CFAP206: variants seen among roughly 807,000 people sequenced by gnomAD.
CFAP206 encodes cilia and flagella associated protein 206, also known as cilia- and flagella-associated protein 206.
CFAP206 carries 53 observed loss-of-function variants against 65.4 expected under a neutral mutation model. That is an observed-to-expected ratio of 0.81 (90% confidence interval 0.65 to 1.02). The LOEUF is 1.02. Ranked by LOEUF, CFAP206 falls within the 50% of genes least tolerant of loss-of-function variation. The pLI is 0.00. For missense variants in CFAP206, 663 were observed against 753.2 expected (o/e 0.88, Z 1.40); for synonymous variants, 250 against 254.4 (o/e 0.98, Z 0.17).
intron 11 of CFAP206, among the ~76,000 whole-genome samples, chr6:87,436,379 C>G (rs529695065): frequency 6.6e-5 from 10 of 152,140 alleles, no homozygotes; most frequent in Non-Finnish European, 1.2e-4. Flanking sequence ...AGCCACCACG[C>G]CCGGACTTGT....
At chr6:87,415,153 G>A (rs34373986) in intron 4 of CFAP206, among the ~76,000 whole-genome samples, 5,535 of 151,962 alleles carry the variant, frequency 0.036, 122 homozygotes, top group Middle Eastern at 0.075. Flanking sequence ...ATGCAACATC[G>A]TATTATCAAT....
intron 5 of CFAP206, 80 bp downstream of exon 5, chr6:87,415,954 T>C: frequency 9.1e-7 from 1 of 1,095,686 alleles, no homozygotes; most frequent in Non-Finnish European, 1.2e-6. Flanking sequence ...AAATTAGAAG[T>C]GTTAAAGATT....
chr6:87,426,488 T>C (rs766892420), intron 7 of CFAP206, 38 bp from the exon 8 acceptor site: 3 of 1,437,624 alleles, frequency 2.1e-6, no homozygotes. Flanking sequence ...TATAGTAGAA[T>C]TATAAAAATA....
chr6:87,433,826 G>C (rs897429964), intron 10 of CFAP206, among the ~76,000 whole-genome samples: 1 of 151,794 alleles, frequency 6.6e-6, no homozygotes, highest in Non-Finnish European at 1.5e-5. Context: ...GGGGCTGGGC[G>C]TGGTGGCTCA....
rs370548592 is a variant in CFAP206 at position 87,431,122 on chromosome 6, C to T, written c.1249C>T (p.Arg417Trp). The change falls in exon 10 of 13, where the codon CGG becomes TGG. Residue 417 changes from arginine (R) to tryptophan (W), a missense_variant. Coordinates refer to ENST00000369562, the MANE Select transcript of CFAP206 (RefSeq NM_001031743.3). Reference protein sequence around the residue: ...ANFDKLLIQYRGFCAYTFAAT... With the variant: ...ANFDKLLIQYWGFCAYTFAAT... ...TTTTGATAAACTGTTAATTCAATAT[C>T]GGGGATTTTGTGCTTACACGTTTGC... 6.8e-5 allele frequency: 109 copies of T among 1,613,724 alleles called. No individual in the cohort carries two copies. Among genetic ancestry groups the T allele is most frequent in the African/African-American group, 1.6e-4 (12 of 74,880 alleles).
At chr6:87,413,669 G>GA (rs921430800) in intron 3 of CFAP206, 141 bp from the exon 4 acceptor site, 6,956 of 505,456 alleles carry the variant, frequency 0.014, 1 homozygote, top group South Asian at 0.018. Context: ...TCCTCAAGGA[G>GA]AAAAAAAAAA....
intron 8 of CFAP206, 105 bp from the exon 9 acceptor site, chr6:87,428,521 G>A (rs1247436353): frequency 9.3e-7 from 1 of 1,071,530 alleles, no homozygotes; most frequent in Non-Finnish European, 1.4e-6. Flanking sequence ...TGCTTAGGGA[G>A]AATTAACTTC....
Position 87,422,053 on chromosome 6 carries a change from CAAAG to C in CFAP206, c.840+3641_840+3644del, listed in dbSNP as rs1394888642. 2.6e-5 allele frequency among the ~76,000 whole-genome samples: 4 copies of C among 152,184 alleles called. No homozygotes were observed. The South Asian group carries it at 6.2e-4, about 24-fold the overall frequency. On this transcript the variant is annotated intron_variant, in intron 7 of 12. Transcript: ENST00000369562. Reference sequence around the variant, plus strand: ...AAAGGTAGGGGGAAGGGGAAGAAGACAAAGAAACATGCTGGGATCACATGCTTTT... The same window carrying C: ...AAAGGTAGGGGGAAGGGGAAGAAGACAAACATGCTGGGATCACATGCTTTT...
At chr6:87,461,589 A>T (rs987768825) in intron 12 of CFAP206, among the ~76,000 whole-genome samples, 1 of 152,120 alleles carries the variant, frequency 6.6e-6, no homozygotes, top group Non-Finnish European at 1.5e-5. Flanking sequence ...ATTACAATAT[A>T]GATACCTACC....
intron 7 of CFAP206, among the ~76,000 whole-genome samples, chr6:87,421,956 T>C (rs1425586135): frequency 6.6e-6 from 1 of 152,222 alleles, no homozygotes; most frequent in African/African-American, 2.4e-5. Flanking sequence ...AATTTCTGCT[T>C]CTATAAGTTT....
chr6:87,418,555 G>T, intron 7 of CFAP206, 139 bp downstream of exon 7: 1 of 664,520 alleles, frequency 1.5e-6, no homozygotes, highest in Non-Finnish European at 2.6e-6. Flanking sequence ...GTAGAGTTAG[G>T]AATCAAAATA....
Position 87,431,026 on chromosome 6 carries a change from A to C in CFAP206, c.1160-7A>C, listed in dbSNP as rs1768146282. 4 of 1,611,308 alleles carry C rather than the reference A, an allele frequency of 2.5e-6. No homozygotes were observed. The highest frequency in any genetic ancestry group is 3.4e-6 in the Non-Finnish European group (4 of 1,179,060). ...ATTAAAGCTTTTCTTCTTCTCCTTC[A>C]TTTTAGAAGATAGAGTAAATGTGGC... is the stretch of plus-strand genomic sequence containing the variant. On this transcript the variant is annotated splice_region_variant and splice_polypyrimidine_tract_variant and intron_variant, in intron 9 of 12. Transcript: ENST00000369562.
chr6:87,413,855 A>G lies in CFAP206; in HGVS notation c.238A>G (p.Thr80Ala). The change falls in exon 4 of 13, where the codon ACT (threonine) becomes GCT (alanine). Residue 80 changes from threonine to alanine, a missense_variant. By Grantham distance (58) the Thr-to-Ala change is moderately conservative. Coordinates refer to ENST00000369562, the MANE Select transcript of CFAP206 (RefSeq NM_001031743.3). ...GGATACTAAAAATCCATCCCTGGAC[A>G]CTATTAAGATGCAAGTCTACTTCGA... Reference protein sequence around the residue: ...LLDTKNPSLDTIKMQVYFDMN... With the variant: ...LLDTKNPSLDAIKMQVYFDMN... The G allele has an allele frequency of 6.4e-7, 1 of 1,562,374 alleles. No homozygotes were observed. Among genetic ancestry groups the G allele is most frequent in the East Asian group, 2.4e-5 (1 of 41,758 alleles).
rs145264289 is a variant in CFAP206 at position 87,455,254 on chromosome 6, A to G, written c.1495-5768A>G. Among the ~76,000 whole-genome samples the G allele has an allele frequency of 5.6e-3, 854 of 152,330 alleles. 12 individuals carry two copies. Among genetic ancestry groups the G allele is most frequent in the African/African-American group, 0.02 (821 of 41,588 alleles). On this transcript the variant is annotated intron_variant, in intron 11 of 12. Transcript: ENST00000369562. ...TTGGAAACCATATAAACACATGGAA[A>G]TTAAACAATACGCTCCTTAATGACC...
chr6:87,413,860 TA>T lies in CFAP206; in HGVS notation c.245del (p.Lys82ArgfsTer8). ...DTKNPSLDTI[K>X]MQVYFDMNYT... is the part of the protein sequence containing the mutation. The stretch of plus-strand genomic sequence containing the variant: ...CTAAAAATCCATCCCTGGACACTAT[TA>T]AGATGCAAGTCTACTTCGATATGAA... On this transcript the variant is annotated frameshift_variant, in exon 4 of 13. Transcript: ENST00000369562. LOFTEE classifies it high-confidence loss of function. The T allele has an allele frequency of 1.3e-6, 2 of 1,559,506 alleles. No homozygotes were observed. The highest frequency in any genetic ancestry group is 8.6e-7 in the Non-Finnish European group (1 of 1,161,066).
intron 7 of CFAP206, among the ~76,000 whole-genome samples, chr6:87,419,650 T>C (rs966500217): frequency 4.6e-5 from 7 of 152,234 alleles, no homozygotes; most frequent in African/African-American, 1.7e-4. Context: ...TCTTGAGGGA[T>C]AGAATAGGAT....
chr6:87,411,276 C>G (rs78489475), intron 3 of CFAP206, among the ~76,000 whole-genome samples: 16,973 of 152,270 alleles, frequency 0.11, 966 homozygotes, highest in African/African-American at 0.12. Flanking sequence ...TTGCATTTCT[C>G]TAATGCTGAG....
At position 87,416,832 on chromosome 6, in the gene CFAP206, G is replaced by T. The variant is rs762895860; in HGVS notation, c.631+5G>T. ...GAGGAGAAGGCATTGATGATTGTAG[G>T]TATATCATTAGATTAATTCTAAAGG... is the stretch of plus-strand genomic sequence containing the variant. On this transcript the variant is annotated splice_donor_5th_base_variant and intron_variant, in intron 6 of 12. Coordinates refer to ENST00000369562, the MANE Select transcript of CFAP206 (RefSeq NM_001031743.3). 6 of 1,610,304 alleles carry T rather than the reference G, an allele frequency of 3.7e-6. No individual in the cohort carries two copies. In the African/African-American group the frequency reaches 6.7e-5, roughly 18 times the overall value.
intron 11 of CFAP206, among the ~76,000 whole-genome samples, chr6:87,450,641 A>G (rs139522589): frequency 5.3e-5 from 8 of 152,162 alleles, no homozygotes; most frequent in African/African-American, 1.9e-4. Context: ...AAGATGGCAG[A>G]ATAGAACCCT....
Sources: gnomAD v4.1 joint callset for allele counts (sites outside exome capture counted in the v4.1 genomes callset) on GRCh38, gnomAD v4.1.1 for gene constraint, MANE v1.5 for transcripts, NCBI Gene and HGNC (gene_info 2026-07-23, HGNC 2026-07-21) for gene names.